The following PC variants were observed in gnomAD, a reference collection of about 807,000 sequenced individuals.
The protein encoded by PC is pyruvate carboxylase, mitochondrial.
PC carries 46 observed loss-of-function variants against 107.8 expected under a neutral mutation model. The ratio of observed to expected loss-of-function variants is 0.43; its 90% CI spans 0.34 to 0.55. The LOEUF is 0.55. PC is among the 20% of genes least tolerant of loss of function. The pLI is 0.04. For synonymous variants in PC, 662 were observed against 684.7 expected (o/e 0.97, Z 0.52); for missense variants, 1,241 against 1,643.1 (o/e 0.76, Z 4.23).
chr11:66,883,044 C>T (rs989711549), intron 3 of PC, among the ~76,000 whole-genome samples: 4 of 151,662 alleles, frequency 2.6e-5, no homozygotes, highest in Admixed American at 6.6e-5. Context: ...CTCAGCTGTC[C>T]GGGCTCTGGG....
intron 3 of PC, among the ~76,000 whole-genome samples, chr11:66,873,790 G>A (rs1024970569): frequency 2.0e-5 from 3 of 150,960 alleles, no homozygotes; most frequent in East Asian, 2.0e-4. Flanking sequence ...CTTTTGAGAC[G>A]GAGTCTCGCT....
rs758158797 is a variant in PC at position 66,849,851 on chromosome 11, C to T, written c.2907G>A (p.Lys969=). Residue 969 remains lysine (K), a synonymous_variant, in exon 21 of 23, where the codon AAG becomes AAA. Coordinates refer to ENST00000393960, the MANE Select transcript of PC (RefSeq NM_001040716.2). The stretch of plus-strand genomic sequence containing the variant: ...GCCGCCCCTCCACCCTTGGCAGGTC[C>T]TTCAGTACCTGGGGAGCAAAGCAGA... ...FPEPFRSKVL[K]DLPRVEGRPG... 13 of 1,613,642 alleles carry T rather than the reference C, an allele frequency of 8.1e-6. No individual in the cohort carries two copies. Among genetic ancestry groups the T allele is most frequent in the Non-Finnish European group, 1.0e-5 (12 of 1,180,028 alleles).
intron 3 of PC, among the ~76,000 whole-genome samples, chr11:66,900,388 T>C (rs1947907849): frequency 6.6e-6 from 1 of 152,050 alleles, no homozygotes. Flanking sequence ...GGTCTTGATC[T>C]CCTGACCTCA....
chr11:66,951,162 G>A (rs1949427647), intron 3 of PC, among the ~76,000 whole-genome samples: 1 of 152,092 alleles, frequency 6.6e-6, no homozygotes, highest in Admixed American at 6.6e-5. Context: ...GTGGAAAACC[G>A]AGAAAAACTC....
chr11:66,926,162 A>ATAT (rs570069527), intron 3 of PC, among the ~76,000 whole-genome samples: 44 of 152,354 alleles, frequency 2.9e-4, no homozygotes, highest in Non-Finnish European at 5.3e-4. Context: ...TAATTAGCAG[A>ATAT]TATTACCCTT....
At chr11:66,898,212 A>C (rs936343159) in intron 3 of PC, among the ~76,000 whole-genome samples, 17 of 152,228 alleles carry the variant, frequency 1.1e-4, no homozygotes, top group Non-Finnish European at 2.5e-4. Context: ...AGTGGCAGAC[A>C]GCACCTCCAC....
chr11:66,885,487 TA>T (rs35717036), intron 3 of PC, among the ~76,000 whole-genome samples: 38,603 of 104,154 alleles, frequency 0.37, 6,349 homozygotes, highest in African/African-American at 0.55. Context: ...AGACTCTGTC[TA>T]AAAAAAAAAA....
chr11:66,927,816 G>A (rs1387995638), intron 3 of PC, among the ~76,000 whole-genome samples: 2 of 152,070 alleles, frequency 1.3e-5, no homozygotes, highest in Non-Finnish European at 1.5e-5. Flanking sequence ...CCTACTCAAG[G>A]GGAGAGGGTA....
intron 1 of PC, among the ~76,000 whole-genome samples, chr11:66,957,287 A>C (rs1378709516): frequency 6.6e-6 from 1 of 152,224 alleles, no homozygotes; most frequent in African/African-American, 2.4e-5. Flanking sequence ...ACGGGTAAGG[A>C]GCCCAGGCCT....
At chr11:66,876,116 T>A (rs1946968018) in intron 3 of PC, among the ~76,000 whole-genome samples, 1 of 152,148 alleles carries the variant, frequency 6.6e-6, no homozygotes, top group Non-Finnish European at 1.5e-5. Flanking sequence ...CTGGATTGGA[T>A]CCGGGTTTCT....
chr11:66,859,676 C>A lies in PC; in HGVS notation c.1368+4098G>T, dbSNP rs762132606. The stretch of plus-strand genomic sequence containing the variant: ...CCAGCCACCACTTCCTGCTGAAGCA[C>A]CTCGTCCCCGGCGCTGACTATGACC... On this transcript the variant is annotated intron_variant, in intron 12 of 22. Transcript: ENST00000393960. 3.7e-6 allele frequency: 6 copies of A among 1,612,940 alleles called. No homozygotes were observed. The African/African-American group carries it at 4.0e-5, about 11-fold the overall frequency.
chr11:66,920,301 A>G (rs1487294529), intron 3 of PC, among the ~76,000 whole-genome samples: 3 of 152,146 alleles, frequency 2.0e-5, no homozygotes, highest in Non-Finnish European at 4.4e-5. Flanking sequence ...GTATTTACCC[A>G]GCACCCCGTC....
chr11:66,956,090 A>C (rs1949555409), intron 1 of PC, among the ~76,000 whole-genome samples: 1 of 151,932 alleles, frequency 6.6e-6, no homozygotes, highest in South Asian at 2.1e-4. Context: ...CTTTGCATCT[A>C]ATCTTGCTTC....
intron 3 of PC, among the ~76,000 whole-genome samples, chr11:66,927,959 C>T (rs568573761): frequency 2.0e-5 from 3 of 152,212 alleles, no homozygotes; most frequent in African/African-American, 4.8e-5. Flanking sequence ...CTAAGATGAA[C>T]AATACAAGCA....
chr11:66,952,655 C>T (rs917385693), intron 2 of PC, among the ~76,000 whole-genome samples, 187 bp from the exon 3 acceptor site: 3 of 152,188 alleles, frequency 2.0e-5, no homozygotes, highest in African/African-American at 7.2e-5. Flanking sequence ...GATTCTCCTG[C>T]CTCAGCCTCC....
chr11:66,863,389 G>A (rs907536213), intron 12 of PC, among the ~76,000 whole-genome samples: 2 of 152,140 alleles, frequency 1.3e-5, no homozygotes, highest in Non-Finnish European at 2.9e-5. Context: ...AGGTTCTGGC[G>A]CCTCTACCCA....
At chr11:66,950,444 C>G (rs1267854742) in intron 3 of PC, among the ~76,000 whole-genome samples, 1 of 152,192 alleles carries the variant, frequency 6.6e-6, no homozygotes, top group South Asian at 2.1e-4. Context: ...GTAGGAAACC[C>G]GAGGTAGTGC....
rs373145902 is a variant in PC at position 66,870,897 on chromosome 11, G to A, written c.634-5C>T. 161 of 1,611,802 alleles carry A rather than the reference G, an allele frequency of 1.0e-4. 3 individuals are homozygous for A. The South Asian group carries it at 1.2e-3, about 12-fold the overall frequency. ...GGTGTAATTCTCCTCCAGCTCCTGC[G>A]AGGGCGGGCAGGGGCCAGCCAGACC... On this transcript the variant is annotated splice_polypyrimidine_tract_variant and splice_region_variant and intron_variant, in intron 7 of 22. Coordinates refer to ENST00000393960, the MANE Select transcript of PC (RefSeq NM_001040716.2). This position sits in a 1 kb window ranked among gnomAD's most constrained non-coding sequence, Gnocchi z 6.1.
At chr11:66,904,057 A>G (rs1019596174) in intron 3 of PC, among the ~76,000 whole-genome samples, 6 of 151,980 alleles carry the variant, frequency 3.9e-5, no homozygotes, top group African/African-American at 1.4e-4. Flanking sequence ...GCGCTTTAGC[A>G]GACACTCTCA....
Sources: gnomAD v4.1 joint callset for allele counts (sites outside exome capture counted in the v4.1 genomes callset) on GRCh38, gnomAD v4.1.1 for gene constraint, Gnocchi (gnomAD v3.1) non-coding constraint, MANE v1.5 for transcripts, NCBI Gene and HGNC (gene_info 2026-07-23, HGNC 2026-07-21) for gene names.